MAGI1: variants seen among roughly 807,000 people sequenced by gnomAD.
MAGI1 encodes membrane associated guanylate kinase, WW and PDZ domain containing 1.
MAGI1 carries 58 observed loss-of-function variants against 139.9 expected under a neutral mutation model. That is an observed-to-expected ratio of 0.41 (90% CI 0.34 to 0.52). The LOEUF (loss-of-function observed/expected upper bound fraction) is 0.52, where lower values mean the gene tolerates loss of function less well. Among genes scored for constraint, MAGI1 ranks in the 20% least tolerant of loss-of-function variants. MAGI1 has a pLI of 0.12. For synonymous variants in MAGI1, 812 were observed against 737.9 expected (o/e 1.10, Z -1.63); for missense variants, 1,874 against 1,901.6 (o/e 0.99, Z 0.27).
chr3:65,840,336 C>T (rs2058762355), intron 1 of MAGI1, among the ~76,000 whole-genome samples: 1 of 152,124 alleles, frequency 6.6e-6, no homozygotes, highest in South Asian at 2.1e-4. Flanking sequence ...ATGCTTTGTT[C>T]ACTGCCTTAG....
chr3:65,362,179 G>A (rs377654371), intron 21 of MAGI1, among the ~76,000 whole-genome samples: 2 of 152,106 alleles, frequency 1.3e-5, no homozygotes, highest in East Asian at 3.9e-4. Context: ...CTTACTTATA[G>A]AAGAGGCTGA....
chr3:65,366,996 C>A, intron 18 of MAGI1, among the ~76,000 whole-genome samples: 1 of 152,160 alleles, frequency 6.6e-6, no homozygotes, highest in East Asian at 1.9e-4. Context: ...CACTGTGTCA[C>A]TAAATAGGAC....
At chr3:65,912,460 C>T (rs1436556043) in intron 1 of MAGI1, among the ~76,000 whole-genome samples, 1 of 152,186 alleles carries the variant, frequency 6.6e-6, no homozygotes, top group African/African-American at 2.4e-5. Flanking sequence ...AAGCAGCTCA[C>T]ATCTGGTTTT....
At chr3:66,010,213 C>T (rs1027462316) in intron 1 of MAGI1, among the ~76,000 whole-genome samples, 1 of 150,452 alleles carries the variant, frequency 6.6e-6, no homozygotes, top group African/African-American at 2.4e-5. Context: ...ATCACAATAA[C>T]ACTATGAAAT....
chr3:66,013,300 G>A (rs1412955013), intron 1 of MAGI1, among the ~76,000 whole-genome samples: 2 of 151,852 alleles, frequency 1.3e-5, no homozygotes, highest in Non-Finnish European at 2.9e-5. Context: ...CTACTTAGGA[G>A]GCTGAGGCAG....
chr3:65,438,867 G>A (rs1160394446), intron 9 of MAGI1, among the ~76,000 whole-genome samples: 1 of 152,152 alleles, frequency 6.6e-6, no homozygotes, highest in East Asian at 1.9e-4. Flanking sequence ...TACTACAATG[G>A]CTGAGGTGAG....
At chr3:65,537,171 C>G (rs912316043) in intron 2 of MAGI1, among the ~76,000 whole-genome samples, 3 of 152,164 alleles carry the variant, frequency 2.0e-5, no homozygotes, top group African/African-American at 7.2e-5. Context: ...GTTCTAAATG[C>G]ACTCCACTAT....
chr3:65,460,308 C>T (rs1218613526), intron 5 of MAGI1, among the ~76,000 whole-genome samples: 2 of 151,960 alleles, frequency 1.3e-5, no homozygotes, highest in African/African-American at 2.4e-5. Context: ...GCATTTATGC[C>T]TTTTTTGTAC....
intron 5 of MAGI1, among the ~76,000 whole-genome samples, chr3:65,464,767 G>A (rs1037161546): frequency 1.3e-5 from 2 of 151,908 alleles, no homozygotes; most frequent in African/African-American, 4.8e-5. Context: ...ATTAAATGTA[G>A]TTATTGATAT....
chr3:65,691,655 AG>A (rs1188445637), intron 1 of MAGI1, among the ~76,000 whole-genome samples: 2 of 152,210 alleles, frequency 1.3e-5, no homozygotes, highest in African/African-American at 4.8e-5. Flanking sequence ...TGCTGTATTG[AG>A]AAAAATGAAA....
intron 2 of MAGI1, among the ~76,000 whole-genome samples, chr3:65,539,630 T>C (rs2079120414): frequency 6.6e-6 from 1 of 152,162 alleles, no homozygotes; most frequent in African/African-American, 2.4e-5. Flanking sequence ...ATCAAAAGCC[T>C]GGCCAGGCTT....
intron 1 of MAGI1, among the ~76,000 whole-genome samples, chr3:65,960,007 C>T (rs2064346384): frequency 6.6e-6 from 1 of 151,256 alleles, no homozygotes; most frequent in Non-Finnish European, 1.5e-5. Flanking sequence ...CAGGGTTTTA[C>T]CGTGTTAGCC....
chr3:65,613,601 A>G (rs751583541), intron 2 of MAGI1, among the ~76,000 whole-genome samples: 28 of 152,288 alleles, frequency 1.8e-4, no homozygotes, highest in Non-Finnish European at 2.9e-4. Context: ...GACTCTATCC[A>G]CTCAGCAACT....
intron 1 of MAGI1, among the ~76,000 whole-genome samples, chr3:65,972,025 A>G (rs2065036342): frequency 6.6e-6 from 1 of 152,206 alleles, no homozygotes; most frequent in Non-Finnish European, 1.5e-5. Flanking sequence ...GCAACAGACT[A>G]TTCTAGGAAA....
At chr3:65,997,598 G>T (rs1447269270) in intron 1 of MAGI1, among the ~76,000 whole-genome samples, 1 of 152,154 alleles carries the variant, frequency 6.6e-6, no homozygotes, top group African/African-American at 2.4e-5. Flanking sequence ...GGAGGTTGCA[G>T]TGAGCCGAGA....
intron 1 of MAGI1, among the ~76,000 whole-genome samples, chr3:65,839,956 T>C (rs1414074236): frequency 3.3e-5 from 5 of 152,220 alleles, no homozygotes; most frequent in African/African-American, 9.6e-5. Flanking sequence ...CACTTTATAG[T>C]TGTCACCATA....
At chr3:65,605,419 A>AG (rs1297050237) in intron 2 of MAGI1, among the ~76,000 whole-genome samples, 4 of 152,210 alleles carry the variant, frequency 2.6e-5, no homozygotes, top group Non-Finnish European at 5.9e-5. Flanking sequence ...GAATAAATAA[A>AG]GGGGGGAGAA....
chr3:65,901,406 G>A (rs1237446689), intron 1 of MAGI1, among the ~76,000 whole-genome samples: 1 of 152,176 alleles, frequency 6.6e-6, no homozygotes, highest in Non-Finnish European at 1.5e-5. Context: ...TATGAGCGTT[G>A]TTTTTACAAT....
chr3:65,791,684 A>G (rs1429965640), intron 1 of MAGI1, among the ~76,000 whole-genome samples: 4 of 151,984 alleles, frequency 2.6e-5, no homozygotes, highest in Non-Finnish European at 5.9e-5. Flanking sequence ...GAGGAGGTAA[A>G]CGTTCTTATT....
Sources: allele counts gnomAD v4.1 joint callset (sites outside exome capture counted in the v4.1 genomes callset), GRCh38; gene constraint gnomAD v4.1.1; transcripts MANE v1.5; gene names NCBI Gene and HGNC (gene_info 2026-07-23, HGNC 2026-07-21).